The following FBLN7 variants were observed in gnomAD, a reference collection of about 807,000 sequenced individuals.
The protein encoded by FBLN7 is fibulin 7.
FBLN7 carries 31 observed loss-of-function variants against 44.0 expected under a neutral mutation model. The observed-to-expected ratio is 0.70, with a 90% confidence interval of 0.53 to 0.95. The LOEUF (loss-of-function observed/expected upper bound fraction) is 0.95. FBLN7 is among the 40% of genes least tolerant of loss of function. The pLI, the probability that FBLN7 is intolerant of heterozygous loss-of-function variation, is 0.00. For missense variants in FBLN7, 573 were observed against 618.5 expected (o/e 0.93, Z 0.78); for synonymous variants, 262 against 253.4 (o/e 1.03, Z -0.32).
chr2:112,152,725 G>A (rs1681220853), intron 1 of FBLN7: 1 of 152,194 alleles, frequency 6.6e-6, no homozygotes, highest in Non-Finnish European at 1.5e-5. Flanking sequence ...CTTTGACCTT[G>A]AGCTGCAGCA....
chr2:112,165,044 T>C lies in FBLN7; in HGVS notation c.279T>C (p.Phe93=), dbSNP rs372784678. 4 of 1,614,154 alleles carry C rather than the reference T, an allele frequency of 2.5e-6. No individual in the cohort carries two copies. In the African/African-American group the frequency reaches 5.3e-5, roughly 22 times the overall value. The change falls in exon 3 of 8, where the codon TTT becomes TTC. Residue 93 remains phenylalanine (F), a synonymous_variant. Coordinates refer to ENST00000331203, the MANE Select transcript of FBLN7 (RefSeq NM_153214.3). The part of the protein sequence containing the change: ...ALNTPADGRK[F]GSKYLVDHEV... Reference sequence around the variant, plus strand: ...ACACCCCCGCAGACGGCAGAAAGTTTGGAAGCAAGTACTTAGTGGATCACG... The same window carrying C: ...ACACCCCCGCAGACGGCAGAAAGTTCGGAAGCAAGTACTTAGTGGATCACG...
Position 112,175,805 on chromosome 2 carries a change from G to T in FBLN7, c.498G>T (p.Arg166Ser). Reference protein sequence around the residue: ...NQYRCICPPGRTGNRCQHQAQ... With the variant: ...NQYRCICPPGSTGNRCQHQAQ... Reference sequence around the variant, plus strand: ...ACAGATGCATTTGTCCTCCAGGAAGGACTGGGAACCGCTGTCAGCATCAGG... The same window carrying T: ...ACAGATGCATTTGTCCTCCAGGAAGTACTGGGAACCGCTGTCAGCATCAGG... The change falls in exon 4 of 8, where the codon AGG (arginine) becomes AGT (serine). Residue 166 changes from arginine (R) to serine (S), a missense_variant. Arg to Ser is a moderately radical substitution (Grantham distance 110, BLOSUM62 -1). Transcript: ENST00000331203. 1 of 1,614,176 alleles carries T rather than the reference G, an allele frequency of 6.2e-7. No homozygotes were observed.
the FBLN7 span, chr2:112,212,724 C>G: frequency 6.6e-6 from 1 of 152,104 alleles, no homozygotes; most frequent in African/African-American, 2.4e-5. Flanking sequence ...CTTAAGACAG[C>G]TGTCTCTGTT....
intron 4 of FBLN7, chr2:112,177,801 G>A (rs550742310): frequency 6.6e-6 from 1 of 152,192 alleles, no homozygotes; most frequent in East Asian, 1.9e-4. Context: ...TGCAGGATTT[G>A]TCCACTTGTG....
intron 2 of FBLN7, among the ~76,000 whole-genome samples, chr2:112,160,790 ACGCACACACG>A (rs1681801639): frequency 2.8e-5 from 4 of 142,246 alleles, no homozygotes; most frequent in Non-Finnish European, 6.2e-5. Context: ...ACGCACGCAC[ACGCACACACG>A]CACGCACACA....
At chr2:112,173,720 C>T (rs1307861352) in intron 3 of FBLN7, among the ~76,000 whole-genome samples, 1 of 152,232 alleles carries the variant, frequency 6.6e-6, no homozygotes, top group Non-Finnish European at 1.5e-5. Context: ...CTTGCCAGCC[C>T]CTGCCATGCA....
At chr2:112,197,270 CACACAGAGAG>C in the FBLN7 span, among the ~76,000 whole-genome samples, 12 of 126,344 alleles carry the variant, frequency 9.5e-5, no homozygotes, top group South Asian at 2.8e-4. Flanking sequence ...CACACACACA[CACACAGAGAG>C]AGAGAGAGAG....
chr2:112,175,749 G>T lies in FBLN7; in HGVS notation c.442G>T (p.Gly148Cys). 6.2e-7 allele frequency: 1 copy of T among 1,614,196 alleles called. No homozygotes were observed. The highest frequency in any genetic ancestry group is 1.3e-5 in the African/African-American group (1 of 75,024). The change falls in exon 4 of 8, where the codon GGT becomes TGT. Residue 148 changes from glycine to cysteine, a missense_variant. Coordinates refer to ENST00000331203, the MANE Select transcript of FBLN7 (RefSeq NM_153214.3). ...SECSSQPCQN[G>C]GTCVEGVNQY... ...ATGCTCCAGCCAGCCTTGTCAAAAT[G>T]GTGGTACATGTGTAGAAGGAGTCAA...
the FBLN7 span, among the ~76,000 whole-genome samples, chr2:112,235,757 G>T: frequency 6.6e-6 from 1 of 152,074 alleles, no homozygotes; most frequent in Non-Finnish European, 1.5e-5. Context: ...AAGGTGGGGA[G>T]TGGGGAGATT....
intron 3 of FBLN7, among the ~76,000 whole-genome samples, chr2:112,169,279 AAAAC>A (rs748028031): frequency 1.6e-4 from 25 of 152,280 alleles, no homozygotes; most frequent in South Asian, 2.1e-4. Context: ...TCTCGGGAGA[AAAAC>A]AAACAAACAA....
chr2:112,148,206 G>A (rs1245953861), intron 1 of FBLN7, among the ~76,000 whole-genome samples: 1 of 152,172 alleles, frequency 6.6e-6, no homozygotes, highest in East Asian at 1.9e-4. Context: ...CGGATTGATT[G>A]CCTGGGACTG....
chr2:112,206,149 T>G, the FBLN7 span, among the ~76,000 whole-genome samples: 1 of 152,206 alleles, frequency 6.6e-6, no homozygotes, highest in South Asian at 2.1e-4. Flanking sequence ...TAATCTCAAA[T>G]TTGTGTGCAT....
At chr2:112,139,238 T>C (rs560020050) in intron 1 of FBLN7, among the ~76,000 whole-genome samples, 10 of 11,568 alleles carry the variant, frequency 8.6e-4, no homozygotes, top group African/African-American at 5.2e-3. Context: ...TCCAGGTCAG[T>C]GTCCCTCCCG....
At chr2:112,162,446 C>T (rs1441226213) in intron 2 of FBLN7, among the ~76,000 whole-genome samples, 2 of 151,946 alleles carry the variant, frequency 1.3e-5, no homozygotes, top group African/African-American at 4.8e-5. Context: ...GGTGCATCAT[C>T]ACAACCCATC....
At chr2:112,239,242 A>T in the FBLN7 span, among the ~76,000 whole-genome samples, 2 of 152,242 alleles carry the variant, frequency 1.3e-5, no homozygotes, top group Non-Finnish European at 2.9e-5. Flanking sequence ...ATTTCTGCAT[A>T]AAAATTTTCA....
chr2:112,221,989 G>A, the FBLN7 span, among the ~76,000 whole-genome samples: 5 of 152,020 alleles, frequency 3.3e-5, no homozygotes, highest in South Asian at 2.1e-4. Flanking sequence ...CATTTATATC[G>A]GCTGATGTTC....
At chr2:112,178,791 A>C (rs2104597446) in intron 4 of FBLN7, among the ~76,000 whole-genome samples, 1 of 152,358 alleles carries the variant, frequency 6.6e-6, no homozygotes, top group South Asian at 2.1e-4. Flanking sequence ...CTTTTGATGA[A>C]ATTCAACATC....
the FBLN7 span, chr2:112,231,917 C>A: frequency 1.3e-6 from 2 of 1,582,920 alleles, no homozygotes; most frequent in Non-Finnish European, 8.6e-7. Flanking sequence ...ACATTTTGTT[C>A]CTGTATGGTA....
chr2:112,181,721 C>G lies in FBLN7; in HGVS notation c.533-18C>G. 1 of 1,373,886 alleles carries G rather than the reference C, an allele frequency of 7.3e-7. No homozygotes were observed. The highest frequency in any genetic ancestry group is 1.5e-5 in the African/African-American group (1 of 65,484). 85.1% of individuals were successfully genotyped at this position (1,373,886 alleles called of 1,614,324 possible). A position where few individuals can be genotyped will look rare whatever the true frequency, so the allele number is the denominator to read the frequency against. Reference sequence around the variant, plus strand: ...AGGTGCGCCAGGGCCCGGCACTGAGCGTGTCTTCTCCCCGCAGCCGCCCCC... The same window carrying G: ...AGGTGCGCCAGGGCCCGGCACTGAGGGTGTCTTCTCCCCGCAGCCGCCCCC... On this transcript the variant is annotated intron_variant, in intron 4 of 7. Transcript: ENST00000331203.
Sources: gnomAD v4.1 joint callset for allele counts (sites outside exome capture counted in the v4.1 genomes callset) on GRCh38, gnomAD v4.1.1 for gene constraint, MANE v1.5 for transcripts, NCBI Gene and HGNC (gene_info 2026-07-23, HGNC 2026-07-21) for gene names.